Variants in TMEM9 observed in about 807,000 individuals in gnomAD.
The protein encoded by TMEM9 is transmembrane protein 9.
Under a neutral mutation model 22.8 loss-of-function variants are expected in TMEM9, and 13 were observed. The observed-to-expected ratio is 0.57, with a 90% CI of 0.37 to 0.91. TMEM9 has a LOEUF of 0.91. Ranked by LOEUF, TMEM9 falls within the 40% of genes least tolerant of loss-of-function variation. The pLI is 0.01. For missense variants in TMEM9, 182 were observed against 238.1 expected, an observed-to-expected ratio of 0.76 and a Z score of 1.55; for synonymous variants, 88 against 93.0, an observed-to-expected ratio of 0.95 and a Z score of 0.31.
At chr1:201,159,347 A>T (rs1665882845), upstream of TMEM9, among the ~76,000 whole-genome samples, 1 of 152,144 alleles carries the variant, frequency 6.6e-6, no homozygotes, top group African/African-American at 2.4e-5. Context: ...CCACAGCAGG[A>T]TTTCTCAGGC....
chr1:201,164,495 G>A (rs976573480), intron 1 of TMEM9, among the ~76,000 whole-genome samples: 2 of 152,116 alleles, frequency 1.3e-5, no homozygotes, highest in Admixed American at 1.3e-4. Flanking sequence ...TGATTATTAA[G>A]CTGAGCCATA....
chr1:201,166,578 G>A (rs1036392031), intron 1 of TMEM9, among the ~76,000 whole-genome samples: 6 of 151,858 alleles, frequency 4.0e-5, no homozygotes, highest in African/African-American at 1.5e-4. Flanking sequence ...GCCCAGGCTG[G>A]TCTTGAACTC....
intron 1 of TMEM9, among the ~76,000 whole-genome samples, chr1:201,167,454 G>A (rs1040487106): frequency 6.6e-6 from 1 of 152,200 alleles, no homozygotes; most frequent in Non-Finnish European, 1.5e-5. Flanking sequence ...TCCAGGTGGA[G>A]CATGGTGTTA....
chr1:201,139,966 T>C (rs1160148126), intron 4 of TMEM9, among the ~76,000 whole-genome samples: 1 of 152,220 alleles, frequency 6.6e-6, no homozygotes, highest in South Asian at 2.1e-4. Context: ...CTTTCTATTC[T>C]GCCCTCAGGG....
At chr1:201,160,636 T>A (rs75514126) in intron 1 of TMEM9, among the ~76,000 whole-genome samples, 2,084 of 9,490 alleles carry the variant, frequency 0.22, 51 homozygotes, top group African/African-American at 0.41. Context: ...TTTTTTTTTT[T>A]TAAAATCGAG....
intron 3 of TMEM9, among the ~76,000 whole-genome samples, chr1:201,146,377 C>T (rs975529125): frequency 6.6e-6 from 1 of 152,184 alleles, no homozygotes; most frequent in Non-Finnish European, 1.5e-5. Context: ...CCCAACCTCC[C>T]CATTGGCAGC....
chr1:201,154,178 G>A lies in TMEM9; in HGVS notation c.-255C>T. 1 of 460,110 alleles carries A rather than the reference G, an allele frequency of 2.2e-6. No individual in the cohort carries two copies. Among genetic ancestry groups the A allele is most frequent in the Non-Finnish European group, 3.9e-6 (1 of 257,930 alleles). 28.5% of individuals were successfully genotyped at this position (460,110 alleles called of 1,614,324 possible). A position where few individuals can be genotyped will look rare whatever the true frequency, so the allele number is the denominator to read the frequency against. On this transcript the variant is annotated 5_prime_UTR_variant, in exon 1 of 5. Transcript: ENST00000367330. The stretch of plus-strand genomic sequence containing the variant: ...GAGCCCGGCAGAGGGGTCCTCGAGG[G>A]GACACCGCTGCCAGGGGCCTCCAGT...
Position 201,150,840 on chromosome 1 carries a change from G to C in TMEM9, c.158+921C>G, listed in dbSNP as rs147453048. ...TTTTCTCAAAGCTCATCTGCTTTGA[G>C]AAAGCAGGAGAGGCAGCACTGACCC... is the stretch of plus-strand genomic sequence containing the variant. On this transcript the variant is annotated intron_variant, in intron 2 of 4. Transcript: ENST00000367330. Among the ~76,000 whole-genome samples, 464 of 152,324 alleles carry C rather than the reference G, an allele frequency of 3.0e-3. 4 individuals carry two copies. Among genetic ancestry groups the C allele is most frequent in the Admixed American group, 4.6e-3 (71 of 15,306 alleles).
chr1:201,164,627 A>C lies in TMEM9; in HGVS notation c.-37+6863T>G, dbSNP rs12088048. 8.5e-3 allele frequency among the ~76,000 whole-genome samples: 1,300 copies of C among 152,228 alleles called. 24 individuals carry two copies. Among genetic ancestry groups the C allele is most frequent in the African/African-American group, 0.03 (1,232 of 41,516 alleles). ...CATAACTGGGAAATTAATGTGTAGA[A>C]CCAGCTTCAGGCACAATGGGATCCA... On this transcript the variant is annotated intron_variant, in intron 1 of 5. Coordinates refer to the TMEM9 transcript ENST00000367333.
At chr1:201,166,524 G>C (rs559610915) in intron 1 of TMEM9, among the ~76,000 whole-genome samples, 1 of 151,680 alleles carries the variant, frequency 6.6e-6, no homozygotes, top group African/African-American at 2.4e-5. Context: ...CACCATGCCC[G>C]GCTAATTTTT....
At chr1:201,166,871 A>G (rs1167024300) in intron 1 of TMEM9, among the ~76,000 whole-genome samples, 1 of 152,218 alleles carries the variant, frequency 6.6e-6, no homozygotes, top group Non-Finnish European at 1.5e-5. Context: ...GTTCTGCCGC[A>G]GCTCTGCTGT....
chr1:201,153,787 G>A (rs1458496463), intron 1 of TMEM9, 71 bp downstream of exon 1: 1 of 1,603,916 alleles, frequency 6.2e-7, no homozygotes, highest in Non-Finnish European at 8.5e-7. Context: ...GGCTACCTCT[G>A]AGTCAGCCCT....
intron 4 of TMEM9, among the ~76,000 whole-genome samples, chr1:201,141,661 G>A (rs996568506): frequency 3.3e-5 from 5 of 152,190 alleles, no homozygotes; most frequent in East Asian, 3.9e-4. Flanking sequence ...AGCATGGCTC[G>A]CCAGCTTCTA....
chr1:201,153,815 G>A (rs777447882), intron 1 of TMEM9, 43 bp downstream of exon 1: 18 of 1,612,138 alleles, frequency 1.1e-5, no homozygotes, highest in Non-Finnish European at 1.3e-5. Context: ...GGGTGGCCGT[G>A]CACTGTGGTC....
chr1:201,166,796 G>A (rs1014698636), intron 1 of TMEM9, among the ~76,000 whole-genome samples: 1 of 152,130 alleles, frequency 6.6e-6, no homozygotes, highest in African/African-American at 2.4e-5. Context: ...AAGTATATAA[G>A]CCCCAGTGTA....
upstream of TMEM9, among the ~76,000 whole-genome samples, chr1:201,158,753 G>T (rs1420436165): frequency 6.6e-6 from 1 of 152,124 alleles, no homozygotes; most frequent in Non-Finnish European, 1.5e-5. Context: ...CCTTCATCCT[G>T]CCTCCAAGTT....
At chr1:201,146,373 C>T (rs942703972) in intron 3 of TMEM9, among the ~76,000 whole-genome samples, 2 of 152,208 alleles carry the variant, frequency 1.3e-5, no homozygotes, top group South Asian at 4.1e-4. Flanking sequence ...GCAGCCCAAC[C>T]TCCCCATTGG....
intron 1 of TMEM9, among the ~76,000 whole-genome samples, chr1:201,153,283 T>G (rs1572131074): frequency 6.6e-6 from 1 of 152,196 alleles, no homozygotes; most frequent in Non-Finnish European, 1.5e-5. Flanking sequence ...TCAGGAATGG[T>G]GGTGATGCCA....
intron 1 of TMEM9, among the ~76,000 whole-genome samples, chr1:201,168,948 T>TTA (rs1666146735): frequency 6.8e-6 from 1 of 146,768 alleles, no homozygotes. Flanking sequence ...TGTGCCATAA[T>TTA]GCCCAGCTAA....
Sources: gnomAD v4.1 joint callset for allele counts (sites outside exome capture counted in the v4.1 genomes callset) on GRCh38, gnomAD v4.1.1 for gene constraint, MANE v1.5 for transcripts, NCBI Gene and HGNC (gene_info 2026-07-23, HGNC 2026-07-21) for gene names.